The following TMEM108 variants were observed in gnomAD, a reference collection of about 807,000 sequenced individuals.
TMEM108 encodes cancer/testis antigen 124.
A neutral mutation model predicts 35.1 loss-of-function variants in TMEM108; 12 were observed. The ratio of observed to expected loss-of-function variants is 0.34; its 90% CI spans 0.22 to 0.55. The LOEUF is 0.55. Among genes scored for constraint, TMEM108 ranks in the 20% least tolerant of loss-of-function variants. The probability of loss-of-function intolerance (pLI) is 0.89; values close to 1 mark genes in which losing one functional copy is unlikely to be tolerated. For missense variants in TMEM108, 680 were observed against 753.3 expected, an observed-to-expected ratio of 0.90 and a Z score of 1.14; for synonymous variants, 287 against 308.6, an observed-to-expected ratio of 0.93 and a Z score of 0.73.
chr3:133,297,428 T>C (rs1947160909), intron 3 of TMEM108, among the ~76,000 whole-genome samples: 1 of 151,880 alleles, frequency 6.6e-6, no homozygotes. Context: ...GAGAAGAAAA[T>C]AGAAAGTGAT....
intron 2 of TMEM108, among the ~76,000 whole-genome samples, chr3:133,079,069 A>C (rs1217214354): frequency 1.3e-5 from 2 of 152,204 alleles, no homozygotes; most frequent in Admixed American, 1.3e-4. Context: ...GGTGGTATAT[A>C]ATTAGGTTCT....
intron 2 of TMEM108, among the ~76,000 whole-genome samples, chr3:133,184,617 C>T (rs1945394138): frequency 6.6e-6 from 1 of 152,102 alleles, no homozygotes; most frequent in Non-Finnish European, 1.5e-5. Context: ...AGTTTTCATA[C>T]AGACAACTCC....
At chr3:133,263,113 T>G (rs1404844639) in intron 3 of TMEM108, among the ~76,000 whole-genome samples, 2 of 152,150 alleles carry the variant, frequency 1.3e-5, no homozygotes, top group South Asian at 4.1e-4. Context: ...CCAGGTGAGG[T>G]AGAGACCATA....
At chr3:133,379,479 G>A (rs547329477) in intron 3 of TMEM108, among the ~76,000 whole-genome samples, 364 of 152,282 alleles carry the variant, frequency 2.4e-3, no homozygotes, top group Non-Finnish European at 4.4e-3. Flanking sequence ...CGTTTCTGAG[G>A]CATGTGGGAA....
chr3:133,288,216 T>A (rs1947012294), intron 3 of TMEM108, among the ~76,000 whole-genome samples: 1 of 152,214 alleles, frequency 6.6e-6, no homozygotes, highest in Admixed American at 6.5e-5. Context: ...CCTCCTGCCC[T>A]AAACTGATTT....
intron 2 of TMEM108, among the ~76,000 whole-genome samples, chr3:133,221,228 A>G (rs1479322906): frequency 1.3e-5 from 2 of 152,168 alleles, no homozygotes; most frequent in South Asian, 2.1e-4. Context: ...TGCAAGCTAT[A>G]TTCATGGCTT....
At chr3:133,039,484 G>A (rs1281371913) in intron 1 of TMEM108, among the ~76,000 whole-genome samples, 1 of 152,150 alleles carries the variant, frequency 6.6e-6, no homozygotes, top group Non-Finnish European at 1.5e-5. Flanking sequence ...GAGATGGATT[G>A]TTGCCTTTAA....
chr3:133,264,981 G>A (rs1317901678), intron 3 of TMEM108, among the ~76,000 whole-genome samples: 1 of 152,220 alleles, frequency 6.6e-6, no homozygotes, highest in Non-Finnish European at 1.5e-5. Flanking sequence ...ACACTCCACT[G>A]TAGCAGCAGT....
At chr3:133,395,776 T>C in intron 5 of TMEM108, 88 bp from the exon 6 acceptor site, 2 of 1,331,072 alleles carry the variant, frequency 1.5e-6, no homozygotes, top group Non-Finnish European at 2.0e-6. Flanking sequence ...AGTGCTGAAA[T>C]AAATGTTCCC....
intron 3 of TMEM108, 88 bp downstream of exon 3, chr3:133,229,439 C>A (rs1466732751): frequency 2.3e-6 from 3 of 1,310,588 alleles, no homozygotes; most frequent in Non-Finnish European, 3.3e-6. Context: ...GGACGGAGAC[C>A]AGGGTTGGAT....
At chr3:133,192,979 A>G (rs1021707668) in intron 2 of TMEM108, among the ~76,000 whole-genome samples, 4 of 152,132 alleles carry the variant, frequency 2.6e-5, no homozygotes. Context: ...TTCAGCAGAA[A>G]GGTAGAAAAA....
At chr3:133,336,580 G>C (rs1228687173) in intron 3 of TMEM108, among the ~76,000 whole-genome samples, 1 of 152,070 alleles carries the variant, frequency 6.6e-6, no homozygotes, top group Non-Finnish European at 1.5e-5. Flanking sequence ...GTGGGACTCT[G>C]AGACTCACTG....
chr3:133,244,418 C>T (rs1576407371), intron 3 of TMEM108, among the ~76,000 whole-genome samples: 1 of 152,284 alleles, frequency 6.6e-6, no homozygotes, highest in East Asian at 1.9e-4. Context: ...TCCTAAGTCT[C>T]ATTCTCTGAA....
At chr3:133,221,282 T>C (rs1040012746) in intron 2 of TMEM108, among the ~76,000 whole-genome samples, 2 of 152,088 alleles carry the variant, frequency 1.3e-5, no homozygotes, top group South Asian at 2.1e-4. Flanking sequence ...CCACCAAGAA[T>C]TGCCTCATTA....
intron 3 of TMEM108, among the ~76,000 whole-genome samples, chr3:133,292,385 G>A (rs1402335332): frequency 6.6e-6 from 1 of 152,180 alleles, no homozygotes; most frequent in African/African-American, 2.4e-5. Context: ...ACAAAGTGAT[G>A]GTTTCCTTGC....
At chr3:133,290,622 A>G (rs1947049904) in intron 3 of TMEM108, among the ~76,000 whole-genome samples, 1 of 151,700 alleles carries the variant, frequency 6.6e-6, no homozygotes, top group South Asian at 2.1e-4. Flanking sequence ...CTGCATCTGA[A>G]AAAAAAAACA....
intron 3 of TMEM108, among the ~76,000 whole-genome samples, chr3:133,379,075 AT>A (rs1368502266): frequency 1.3e-5 from 2 of 151,954 alleles, no homozygotes; most frequent in Non-Finnish European, 2.9e-5. Context: ...TCTTTGTCTT[AT>A]TTTAGGATTG....
chr3:133,351,348 C>T (rs2071991027), intron 3 of TMEM108, among the ~76,000 whole-genome samples: 1 of 152,134 alleles, frequency 6.6e-6, no homozygotes, highest in Non-Finnish European at 1.5e-5. Context: ...GTAAAGAGAG[C>T]ATGGCCTCCA....
chr3:133,275,365 A>G (rs1946825048), intron 3 of TMEM108, among the ~76,000 whole-genome samples: 1 of 152,254 alleles, frequency 6.6e-6, no homozygotes, highest in South Asian at 2.1e-4. Flanking sequence ...TAACCAGTAT[A>G]TGCAAAATAT....
Sources: allele counts gnomAD v4.1 joint callset (sites outside exome capture counted in the v4.1 genomes callset), GRCh38; gene constraint gnomAD v4.1.1; transcripts MANE v1.5; gene names NCBI Gene and HGNC (gene_info 2026-07-23, HGNC 2026-07-21).